Variants in PLCB1 observed in about 807,000 individuals in gnomAD.
PLCB1 encodes phospholipase C beta 1.
In PLCB1, 46 loss-of-function variants were observed where a neutral mutation model predicts 161.8. The ratio of observed to expected loss-of-function variants is 0.28; its 90% CI spans 0.22 to 0.36. The LOEUF is 0.36. PLCB1 is among the 10% of genes least tolerant of loss of function. The pLI, the probability that PLCB1 is intolerant of heterozygous loss-of-function variation, is 1.00. For synonymous variants in PLCB1, 517 were observed against 503.7 expected, an observed-to-expected ratio of 1.03 and a Z score of -0.35; for missense variants, 1,016 against 1,472.5, an observed-to-expected ratio of 0.69 and a Z score of 5.07.
intron 2 of PLCB1, among the ~76,000 whole-genome samples, chr20:8,277,859 T>C (rs953373963): frequency 1.3e-5 from 2 of 152,116 alleles, no homozygotes; most frequent in Non-Finnish European, 2.9e-5. Flanking sequence ...GGTGACAATA[T>C]ACTGTGGGTT....
At chr20:8,402,601 G>A (rs934036931) in intron 3 of PLCB1, among the ~76,000 whole-genome samples, 2 of 151,648 alleles carry the variant, frequency 1.3e-5, no homozygotes, top group Non-Finnish European at 2.9e-5. Context: ...TTGGGAGGCC[G>A]AGGCAGGCGG....
chr20:8,718,495 G>T (rs546805243), intron 14 of PLCB1, among the ~76,000 whole-genome samples: 4 of 152,246 alleles, frequency 2.6e-5, no homozygotes, highest in Non-Finnish European at 4.4e-5. Flanking sequence ...ACCCACATTC[G>T]TTGGCTTGGG....
At chr20:8,514,992 T>C (rs1390259350) in intron 3 of PLCB1, among the ~76,000 whole-genome samples, 2 of 152,168 alleles carry the variant, frequency 1.3e-5, no homozygotes, top group Non-Finnish European at 2.9e-5. Context: ...CACTACTCTT[T>C]GAGTAATAAG....
At chr20:8,152,336 T>A (rs1329660064) in intron 2 of PLCB1, among the ~76,000 whole-genome samples, 2 of 152,182 alleles carry the variant, frequency 1.3e-5, no homozygotes, top group African/African-American at 4.8e-5. Context: ...TTTGTCATTT[T>A]CTTTCTGGCT....
intron 31 of PLCB1, among the ~76,000 whole-genome samples, chr20:8,827,516 G>A (rs1424989293): frequency 6.6e-6 from 1 of 152,130 alleles, no homozygotes; most frequent in Non-Finnish European, 1.5e-5. Flanking sequence ...GCCATACAGG[G>A]CTATTTAAAT....
chr20:8,337,424 T>G (rs1985623793), intron 2 of PLCB1, among the ~76,000 whole-genome samples: 2 of 152,094 alleles, frequency 1.3e-5, no homozygotes, highest in Non-Finnish European at 2.9e-5. Context: ...AAAATGTGAG[T>G]TTTTATTTTT....
chr20:8,589,016 C>T (rs1000034500), intron 3 of PLCB1, among the ~76,000 whole-genome samples: 5 of 152,048 alleles, frequency 3.3e-5, no homozygotes, highest in Admixed American at 6.6e-5. Context: ...GAGGGGTGTC[C>T]GACATCATGG....
intron 31 of PLCB1, among the ~76,000 whole-genome samples, chr20:8,819,367 A>G (rs2146261851): frequency 6.6e-6 from 1 of 152,282 alleles, no homozygotes; most frequent in South Asian, 2.1e-4. Flanking sequence ...AATCCTATCT[A>G]TGTGGTTTCA....
At chr20:8,243,845 G>C (rs905143109) in intron 2 of PLCB1, among the ~76,000 whole-genome samples, 8 of 152,074 alleles carry the variant, frequency 5.3e-5, no homozygotes, top group Middle Eastern at 6.8e-3. Context: ...CCAAAGTGGT[G>C]TGCTGTTAGT....
chr20:8,532,843 T>C (rs146181087), intron 3 of PLCB1, among the ~76,000 whole-genome samples: 26 of 152,138 alleles, frequency 1.7e-4, no homozygotes, highest in African/African-American at 6.3e-4. Flanking sequence ...GCAATTTTTT[T>C]TCTTCCTTTT....
chr20:8,437,646 C>T (rs995774049), intron 3 of PLCB1, among the ~76,000 whole-genome samples: 2 of 152,074 alleles, frequency 1.3e-5, no homozygotes, highest in African/African-American at 4.8e-5. Flanking sequence ...TTTATTTCTA[C>T]CATTATTTGT....
intron 2 of PLCB1, among the ~76,000 whole-genome samples, chr20:8,245,795 A>G (rs1235386129): frequency 6.6e-6 from 1 of 151,992 alleles, no homozygotes; most frequent in Non-Finnish European, 1.5e-5. Context: ...TACTTGCTGT[A>G]GGTGAGGCAC....
intron 3 of PLCB1, among the ~76,000 whole-genome samples, chr20:8,621,181 G>A (rs930521565): frequency 1.3e-5 from 2 of 152,142 alleles, no homozygotes; most frequent in Non-Finnish European, 2.9e-5. Context: ...TTTGTCGGGG[G>A]TTTAAACAGG....
chr20:8,389,544 A>G (rs2122423336), intron 3 of PLCB1, among the ~76,000 whole-genome samples: 1 of 152,160 alleles, frequency 6.6e-6, no homozygotes, highest in South Asian at 2.1e-4. Flanking sequence ...GAAGATTGTG[A>G]CTCATTTTTA....
intron 2 of PLCB1, among the ~76,000 whole-genome samples, chr20:8,179,449 T>G (rs959167319): frequency 2.2e-4 from 33 of 152,188 alleles, no homozygotes; most frequent in African/African-American, 4.8e-4. Context: ...ATATTGTTGG[T>G]GTATAGAAAT....
intron 29 of PLCB1, 81 bp from the exon 30 acceptor site, chr20:8,789,437 C>T (rs1473430581): frequency 2.3e-6 from 2 of 885,570 alleles, no homozygotes; most frequent in African/African-American, 1.7e-5. Flanking sequence ...AGTTCTGTAA[C>T]CTTTTATCTA....
chr20:8,371,616 A>G (rs1986905969), intron 3 of PLCB1, 166 bp downstream of exon 3: 3 of 489,574 alleles, frequency 6.1e-6, no homozygotes, highest in African/African-American at 2.0e-5. Flanking sequence ...GACGGAAACA[A>G]TGAACAAATA....
intron 2 of PLCB1, among the ~76,000 whole-genome samples, chr20:8,294,878 C>A (rs911043500): frequency 6.6e-5 from 10 of 151,926 alleles, no homozygotes; most frequent in African/African-American, 2.2e-4. Context: ...ACTTAAATGA[C>A]CATCGATAGG....
chr20:8,399,726 A>G (rs1176514478), intron 3 of PLCB1, among the ~76,000 whole-genome samples: 2 of 152,112 alleles, frequency 1.3e-5, no homozygotes, highest in Non-Finnish European at 2.9e-5. Context: ...GCCATTTTCT[A>G]GTTTTCAAAA....
Sources: allele counts gnomAD v4.1 joint callset (sites outside exome capture counted in the v4.1 genomes callset), GRCh38; gene constraint gnomAD v4.1.1; transcripts MANE v1.5; gene names NCBI Gene and HGNC (gene_info 2026-07-23, HGNC 2026-07-21).